DLG2: variants seen among roughly 807,000 people sequenced by gnomAD.
DLG2 encodes disks large homolog 2.
In DLG2, 45 loss-of-function variants were observed where a neutral mutation model predicts 132.5. The observed-to-expected ratio is 0.34, with a 90% CI of 0.27 to 0.44. The LOEUF (loss-of-function observed/expected upper bound fraction) is 0.44. Among genes scored for constraint, DLG2 ranks in the 20% least tolerant of loss-of-function variants. The pLI, the probability that DLG2 is intolerant of heterozygous loss-of-function variation, is 1.00. For missense variants in DLG2, 1,045 were observed against 1,196.9 expected (o/e 0.87, Z 1.87); for synonymous variants, 424 against 419.6 (o/e 1.01, Z -0.13).
chr11:83,687,450 G>T (rs907702029), intron 18 of DLG2, among the ~76,000 whole-genome samples: 1 of 152,094 alleles, frequency 6.6e-6, no homozygotes, highest in Non-Finnish European at 1.5e-5. Context: ...GCCCTTGTTG[G>T]TCCAGAGCAG....
intron 6 of DLG2, among the ~76,000 whole-genome samples, chr11:84,990,500 G>A (rs2056975373): frequency 6.6e-6 from 1 of 152,052 alleles, no homozygotes; most frequent in Non-Finnish European, 1.5e-5. Context: ...CACCAAATCT[G>A]CTGATACCAT....
intron 16 of DLG2, among the ~76,000 whole-genome samples, chr11:83,837,618 C>A (rs1444002910): frequency 7.2e-6 from 1 of 138,778 alleles, no homozygotes; most frequent in African/African-American, 2.7e-5. Flanking sequence ...TTTTCCCAGT[C>A]ATTTATCTAA....
chr11:84,670,558 C>A (rs999697620), intron 6 of DLG2, among the ~76,000 whole-genome samples: 1 of 152,152 alleles, frequency 6.6e-6, no homozygotes, highest in African/African-American at 2.4e-5. Context: ...ATGTTCAATT[C>A]TGTGTCTATT....
At chr11:84,600,240 A>AAGCAAGC (rs2099573840) in intron 6 of DLG2, among the ~76,000 whole-genome samples, 1 of 143,580 alleles carries the variant, frequency 7.0e-6, no homozygotes, top group African/African-American at 2.6e-5. Flanking sequence ...GAAAGACAGA[A>AAGCAAGC]AAGCAAGCAA....
chr11:85,469,369 A>G (rs952840080), intron 3 of DLG2: 5 of 152,256 alleles, frequency 3.3e-5, no homozygotes, highest in African/African-American at 1.2e-4. Flanking sequence ...AGAGAACTGC[A>G]TAGCAAAACA....
intron 4 of DLG2, among the ~76,000 whole-genome samples, chr11:85,173,319 C>T (rs1467261132): frequency 6.6e-6 from 1 of 152,142 alleles, no homozygotes; most frequent in African/African-American, 2.4e-5. Context: ...GGCCAATATT[C>T]AACATTCTTA....
intron 7 of DLG2, among the ~76,000 whole-genome samples, chr11:84,341,841 C>T (rs1203571744): frequency 6.6e-6 from 1 of 152,248 alleles, no homozygotes; most frequent in African/African-American, 2.4e-5. Flanking sequence ...GACTGCCTTA[C>T]TAACCTGTGT....
intron 7 of DLG2, among the ~76,000 whole-genome samples, chr11:84,339,588 C>A (rs1034592708): frequency 2.6e-5 from 4 of 152,102 alleles, no homozygotes; most frequent in East Asian, 1.9e-4. Flanking sequence ...TCTCACCTCC[C>A]TTTGATGCAA....
At chr11:83,801,972 T>C (rs1156983272) in intron 17 of DLG2, among the ~76,000 whole-genome samples, 1 of 152,186 alleles carries the variant, frequency 6.6e-6, no homozygotes, top group Admixed American at 6.5e-5. Flanking sequence ...AGGTACTAAT[T>C]AGAGTCCTTT....
intron 4 of DLG2, among the ~76,000 whole-genome samples, chr11:85,194,007 C>A (rs2080838831): frequency 6.6e-6 from 1 of 152,236 alleles, no homozygotes; most frequent in Admixed American, 6.5e-5. Context: ...AAATTAGTGA[C>A]TACTGGCCCC....
intron 9 of DLG2, among the ~76,000 whole-genome samples, chr11:84,153,496 T>C (rs2095354569): frequency 1.3e-5 from 2 of 152,166 alleles, no homozygotes; most frequent in Admixed American, 1.3e-4. Context: ...GTAGTTTAGT[T>C]CTCCTTACAT....
At chr11:85,364,939 G>A (rs1365055482) in intron 3 of DLG2, among the ~76,000 whole-genome samples, 1 of 151,604 alleles carries the variant, frequency 6.6e-6, no homozygotes, top group Non-Finnish European at 1.5e-5. Flanking sequence ...AATTATAAAG[G>A]TGCTTCCATC....
chr11:83,474,131 T>G (rs541690020), intron 22 of DLG2, among the ~76,000 whole-genome samples: 13 of 152,240 alleles, frequency 8.5e-5, no homozygotes, highest in African/African-American at 3.1e-4. Context: ...CTAAGTGGTA[T>G]GTACCCATGG....
At chr11:85,264,939 A>G (rs1482159799) in intron 4 of DLG2, among the ~76,000 whole-genome samples, 4 of 152,190 alleles carry the variant, frequency 2.6e-5, no homozygotes, top group Admixed American at 2.6e-4. Context: ...GATCCTGTCT[A>G]TGATCCAGTC....
At position 85,291,558 on chromosome 11, in the gene DLG2, T is replaced by G. The variant is rs80285062; in HGVS notation, c.41-6193A>C. Among the ~76,000 whole-genome samples the G allele has an allele frequency of 9.1e-3, 1,368 of 150,940 alleles. 20 individuals carry two copies. The highest frequency in any genetic ancestry group is 0.03 in the African/African-American group (1,233 of 41,074). On this transcript the variant is annotated intron_variant, in intron 3 of 27. Transcript: ENST00000376104. ...ACCAAAGCTGTTTAATCCCAAAAATTTACCAAAATCACCTGAGGATTCTCT... is the reference window on the plus strand; with the variant it reads ...ACCAAAGCTGTTTAATCCCAAAAATGTACCAAAATCACCTGAGGATTCTCT...
At chr11:83,681,015 GACAA>G (rs571876627) in intron 18 of DLG2, among the ~76,000 whole-genome samples, 274 of 152,152 alleles carry the variant, frequency 1.8e-3, no homozygotes, top group Middle Eastern at 3.4e-3. Flanking sequence ...AAACACTTTG[GACAA>G]ACAATTATGG....
At chr11:84,628,584 C>T (rs2099626649) in intron 6 of DLG2, among the ~76,000 whole-genome samples, 1 of 152,186 alleles carries the variant, frequency 6.6e-6, no homozygotes, top group Non-Finnish European at 1.5e-5. Flanking sequence ...CATCTTTGCA[C>T]ATGTTACGTC....
At chr11:84,150,302 TA>T (rs1407183202) in intron 9 of DLG2, among the ~76,000 whole-genome samples, 10 of 152,174 alleles carry the variant, frequency 6.6e-5, no homozygotes, top group African/African-American at 2.4e-5. Context: ...CCTAGGTTTT[TA>T]AATCTTTTTG....
At chr11:84,169,290 A>G (rs1179193851) in intron 8 of DLG2, among the ~76,000 whole-genome samples, 1 of 151,800 alleles carries the variant, frequency 6.6e-6, no homozygotes. Flanking sequence ...AAATAATATT[A>G]CACATGTTAA....
Sources: allele counts gnomAD v4.1 joint callset (sites outside exome capture counted in the v4.1 genomes callset), GRCh38; gene constraint gnomAD v4.1.1; transcripts MANE v1.5; gene names NCBI Gene and HGNC (gene_info 2026-07-23, HGNC 2026-07-21).